Variants in LDLRAD3 observed in about 807,000 individuals in gnomAD.
LDLRAD3 encodes low-density lipoprotein receptor class A domain-containing protein 3.
In LDLRAD3, 20 loss-of-function variants were observed where a neutral mutation model predicts 29.4. The ratio of observed to expected loss-of-function variants is 0.68; its 90% confidence interval spans 0.48 to 0.99. The LOEUF is 0.99. Among genes scored for constraint, LDLRAD3 ranks in the 50% least tolerant of loss-of-function variants. LDLRAD3 has a pLI of 0.00. For missense variants in LDLRAD3, 420 were observed against 454.3 expected, an observed-to-expected ratio of 0.92 and a Z score of 0.69; for synonymous variants, 157 against 192.7, an observed-to-expected ratio of 0.81 and a Z score of 1.53.
At chr11:36,219,432 C>A (rs4468324) in intron 4 of LDLRAD3, among the ~76,000 whole-genome samples, 10,233 of 152,198 alleles carry the variant, frequency 0.067, 452 homozygotes, top group East Asian at 0.2. Flanking sequence ...GTTAACAACA[C>A]CCTTATTGGC....
chr11:36,096,581 C>T lies in LDLRAD3; in HGVS notation c.320-1746C>T, dbSNP rs577723482. Among the ~76,000 whole-genome samples, 6 of 152,316 alleles carry T rather than the reference C, an allele frequency of 3.9e-5. No homozygotes were observed. In the South Asian group the frequency reaches 1.0e-3, roughly 26 times the overall value. Reference sequence around the variant, plus strand: ...AATGAGGGGAATGAGTGTAACATTCCCTGAGCCTGTGCTACATGTCAGACT... The same window carrying T: ...AATGAGGGGAATGAGTGTAACATTCTCTGAGCCTGTGCTACATGTCAGACT... On this transcript the variant is annotated intron_variant, in intron 3 of 5. Coordinates refer to ENST00000315571, the MANE Select transcript of LDLRAD3 (RefSeq NM_174902.4).
rs376962591 is a variant in LDLRAD3 at position 36,131,065 on chromosome 11, C to G, written c.454+32604C>G. On this transcript the variant is annotated intron_variant, in intron 4 of 5. Transcript: ENST00000315571. ...TCCAACCTGAGCTGTGCAGTTGGCT[C>G]AAAGGGTGGCCAACCAGAGGAGCAG... 2.0e-5 allele frequency among the ~76,000 whole-genome samples: 3 copies of G among 152,296 alleles called. No homozygotes were observed. The South Asian group carries it at 6.2e-4, about 32-fold the overall frequency.
At chr11:35,975,819 G>T (rs1217047836) in intron 1 of LDLRAD3, among the ~76,000 whole-genome samples, 1 of 149,074 alleles carries the variant, frequency 6.7e-6, no homozygotes, top group African/African-American at 2.6e-5. Context: ...GAACAGGAGG[G>T]AGCACTGGGG....
Position 36,074,631 on chromosome 11 carries a change from G to T in LDLRAD3, c.194-7022G>T, listed in dbSNP as rs138533605. ...TATTCTAACGTAATGGGAAGGCAGT[G>T]ACGTTCTTACTAGAGGAGTGATGTG... On this transcript the variant is annotated intron_variant, in intron 2 of 5. Coordinates refer to ENST00000315571, the MANE Select transcript of LDLRAD3 (RefSeq NM_174902.4). Among the ~76,000 whole-genome samples the T allele has an allele frequency of 3.9e-3, 588 of 152,314 alleles. 7 individuals carry two copies. Among genetic ancestry groups the T allele is most frequent in the African/African-American group, 0.013 (555 of 41,584 alleles).
intron 1 of LDLRAD3, among the ~76,000 whole-genome samples, chr11:35,951,096 TA>T (rs779266584): frequency 4.6e-5 from 7 of 150,960 alleles, no homozygotes; most frequent in South Asian, 4.2e-4. Flanking sequence ...AATAAAAAAT[TA>T]AAAAAAAATA....
intron 4 of LDLRAD3, 94 bp from the exon 5 acceptor site, chr11:36,226,991 C>T (rs759265539): frequency 8.9e-6 from 9 of 1,009,692 alleles, no homozygotes; most frequent in South Asian, 1.6e-5. Context: ...CTACTGTGAA[C>T]ATTCGCATGC....
chr11:36,227,269 C>T lies in LDLRAD3; in HGVS notation c.639C>T (p.His213=), dbSNP rs1855512997. ...LMTLPVHRLQ[H]PVLLSRLVVL... ...CGCTGCCCGTGCACCGGCTGCAGCACCCTGTGCTGCTGTCCCGCCTGGTGG... is the reference window on the plus strand; with the variant it reads ...CGCTGCCCGTGCACCGGCTGCAGCATCCTGTGCTGCTGTCCCGCCTGGTGG... The change falls in exon 5 of 6, where the codon CAC becomes CAT. Residue 213 remains histidine, a synonymous_variant. Transcript: ENST00000315571. 6.2e-7 allele frequency: 1 copy of T among 1,614,084 alleles called. No homozygotes were observed. The highest frequency in any genetic ancestry group is 8.5e-7 in the Non-Finnish European group (1 of 1,180,010).
intron 4 of LDLRAD3, among the ~76,000 whole-genome samples, chr11:36,143,441 T>C (rs1409497471): frequency 6.6e-6 from 1 of 152,196 alleles, no homozygotes. Context: ...CTTCCAAAAA[T>C]AGACTTGCCA....
At chr11:36,152,529 G>A (rs74590451) in intron 4 of LDLRAD3, among the ~76,000 whole-genome samples, 2,770 of 152,042 alleles carry the variant, frequency 0.018, 98 homozygotes, top group African/African-American at 0.063. Context: ...GCCCCTACCC[G>A]TGTCCCTATT....
chr11:36,058,945 C>A (rs1431142230), intron 2 of LDLRAD3, among the ~76,000 whole-genome samples: 1 of 152,210 alleles, frequency 6.6e-6, no homozygotes, highest in Non-Finnish European at 1.5e-5. Context: ...GTCTTCCCCA[C>A]TCCTGTGCTA....
chr11:36,026,346 T>G (rs190368807), intron 1 of LDLRAD3, among the ~76,000 whole-genome samples: 20 of 152,336 alleles, frequency 1.3e-4, no homozygotes, highest in Admixed American at 1.3e-3. Flanking sequence ...AGTTTTGTAT[T>G]ATAGTAGTGT....
At chr11:36,126,862 T>C (rs902600833) in intron 4 of LDLRAD3, among the ~76,000 whole-genome samples, 6 of 152,178 alleles carry the variant, frequency 3.9e-5, no homozygotes, top group African/African-American at 1.4e-4. Flanking sequence ...GCTAAGTAAT[T>C]AGAACATGCA....
chr11:36,228,671 A>G (rs981270570), intron 5 of LDLRAD3, among the ~76,000 whole-genome samples: 8 of 152,216 alleles, frequency 5.3e-5, no homozygotes, highest in African/African-American at 1.9e-4. Flanking sequence ...TGTTAAATTC[A>G]TTCCTTTTAA....
Position 36,227,141 on chromosome 11 carries a change from A to G in LDLRAD3, c.511A>G (p.Ser171Gly). 4 of 1,613,456 alleles carry G rather than the reference A, an allele frequency of 2.5e-6. No homozygotes were observed. The highest frequency in any genetic ancestry group is 2.2e-5 in the South Asian group (2 of 90,952). Residue 171 changes from serine (S) to glycine (G), a missense_variant, in exon 5 of 6, where the codon AGC (serine) becomes GGC (glycine). Ser to Gly is a moderately conservative substitution (Grantham distance 56). Coordinates refer to ENST00000315571, the MANE Select transcript of LDLRAD3 (RefSeq NM_174902.4). ...TSENQLVYYP[S>G]ITYAIIGSSV... is the part of the protein sequence containing the mutation. ...AGAGAACCAACTTGTGTATTACCCCAGCATCACCTATGCCATCATCGGCAG... is the reference window on the plus strand; with the variant it reads ...AGAGAACCAACTTGTGTATTACCCCGGCATCACCTATGCCATCATCGGCAG...
chr11:36,063,606 A>G (rs953694786), intron 2 of LDLRAD3, among the ~76,000 whole-genome samples: 16 of 152,244 alleles, frequency 1.1e-4, no homozygotes, highest in African/African-American at 3.4e-4. Flanking sequence ...TATATGGAAT[A>G]TAGGAGTCCA....
chr11:35,958,568 C>A (rs1565124165), intron 1 of LDLRAD3, among the ~76,000 whole-genome samples: 1 of 152,120 alleles, frequency 6.6e-6, no homozygotes, highest in African/African-American at 2.4e-5. Context: ...GAGGGCCCTC[C>A]TTTTCCTGTA....
At chr11:36,224,959 AT>A (rs1855479692) in intron 4 of LDLRAD3, among the ~76,000 whole-genome samples, 1 of 152,178 alleles carries the variant, frequency 6.6e-6, no homozygotes, top group Non-Finnish European at 1.5e-5. Context: ...AACAGCACTC[AT>A]TTTACTAGGG....
At chr11:36,100,916 A>G (rs1316896388) in intron 4 of LDLRAD3, among the ~76,000 whole-genome samples, 1 of 152,178 alleles carries the variant, frequency 6.6e-6, no homozygotes, top group African/African-American at 2.4e-5. Flanking sequence ...CTTGCCCTTA[A>G]GAAGAATGGT....
intron 4 of LDLRAD3, among the ~76,000 whole-genome samples, chr11:36,111,693 C>A (rs547148623): frequency 6.6e-6 from 1 of 152,020 alleles, no homozygotes; most frequent in Non-Finnish European, 1.5e-5. Context: ...CTCCGCCTCC[C>A]GGGTTCAAGC....
Sources: allele counts gnomAD v4.1 joint callset (sites outside exome capture counted in the v4.1 genomes callset), GRCh38; gene constraint gnomAD v4.1.1; transcripts MANE v1.5; gene names NCBI Gene and HGNC (gene_info 2026-07-23, HGNC 2026-07-21).